Variants in CALCR observed in about 807,000 individuals in gnomAD.
The protein encoded by CALCR is calcitonin receptor.
In CALCR, 47 loss-of-function variants were observed where a neutral mutation model predicts 59.5. That is an observed-to-expected ratio of 0.79 (90% confidence interval 0.63 to 1.01). The LOEUF is 1.01. Ranked by LOEUF, CALCR falls within the 50% of genes least tolerant of loss-of-function variation. CALCR has a pLI of 0.00. For missense variants in CALCR, 566 were observed against 597.1 expected (o/e 0.95, Z 0.54); for synonymous variants, 213 against 211.3 (o/e 1.01, Z -0.07).
At position 93,520,857 on chromosome 7, in the gene CALCR, G is replaced by A. The variant is rs1472290037; in HGVS notation, c.-26-33850C>T. On this transcript the variant is annotated intron_variant, in intron 2 of 13. Coordinates refer to ENST00000426151, the MANE Select transcript of CALCR (RefSeq NM_001742.4). ...TTTAAAGAAACAAAGACCAAATTTT[G>A]GTGAGATTTTTAGATTTATACTTTT... 2.0e-5 allele frequency among the ~76,000 whole-genome samples: 3 copies of A among 152,152 alleles called. No homozygotes were observed. In the East Asian group the frequency reaches 5.8e-4, roughly 29 times the overall value.
At chr7:93,521,053 T>C (rs945990701) in intron 2 of CALCR, among the ~76,000 whole-genome samples, 1 of 152,140 alleles carries the variant, frequency 6.6e-6, no homozygotes, top group Admixed American at 6.6e-5. Flanking sequence ...TCCTTCCCTA[T>C]GTTTCACAGC....
intron 7 of CALCR, among the ~76,000 whole-genome samples, chr7:93,466,975 T>C (rs1800453220): frequency 1.3e-5 from 2 of 151,820 alleles, no homozygotes; most frequent in African/African-American, 4.8e-5. Context: ...TCTATGCCTT[T>C]GACATTATTA....
intron 2 of CALCR, among the ~76,000 whole-genome samples, chr7:93,549,351 T>C (rs1789388415): frequency 6.6e-6 from 1 of 152,174 alleles, no homozygotes; most frequent in Non-Finnish European, 1.5e-5. Context: ...TATTCCCTTT[T>C]CTCAACTAGG....
At chr7:93,487,140 G>GA (rs1163379447) in intron 2 of CALCR, 133 bp from the exon 3 acceptor site, 3 of 567,474 alleles carry the variant, frequency 5.3e-6, no homozygotes, top group Admixed American at 3.5e-5. Flanking sequence ...ACACACGTAA[G>GA]AAAAAACAGT....
chr7:93,483,251 T>C (rs7787488), intron 3 of CALCR, among the ~76,000 whole-genome samples: 12,793 of 151,696 alleles, frequency 0.084, 1,070 homozygotes, highest in East Asian at 0.29. Flanking sequence ...TAGTACAATG[T>C]AAATATGATG....
At chr7:93,478,111 AAAC>A (rs1349884427) in intron 4 of CALCR, among the ~76,000 whole-genome samples, 1 of 151,836 alleles carries the variant, frequency 6.6e-6, no homozygotes, top group Non-Finnish European at 1.5e-5. Context: ...AGCTCTCAGA[AAAC>A]CCCAAAAATA....
chr7:93,493,297 A>G (rs1430076764), intron 2 of CALCR, among the ~76,000 whole-genome samples: 1 of 151,320 alleles, frequency 6.6e-6, no homozygotes, highest in East Asian at 1.9e-4. Context: ...TGGCAAATCT[A>G]AATGTATTAT....
chr7:93,438,071 C>A lies in CALCR; in HGVS notation c.919G>T (p.Ala307Ser). ...AAACTAATTCTCACCACAAGTGCCG[C>A]CATGACAGGTCCATGGATTATGTAA... ...LLYIIHGPVM[A>S]ALVVNFFFLL... Residue 307 changes from alanine (A) to serine (S), a missense_variant, in exon 11 of 14, where the codon GCG becomes TCG. Ala to Ser is a moderately conservative substitution (Grantham distance 99). Transcript: ENST00000426151. The A allele has an allele frequency of 6.2e-7, 1 of 1,613,734 alleles. No homozygotes were observed. The highest frequency in any genetic ancestry group is 1.1e-5 in the South Asian group (1 of 91,058).
At chr7:93,450,867 T>C (rs1392789986) in intron 8 of CALCR, among the ~76,000 whole-genome samples, 1 of 151,982 alleles carries the variant, frequency 6.6e-6, no homozygotes, top group Non-Finnish European at 1.5e-5. Flanking sequence ...ATGAAAATTA[T>C]GGTAGTAGGA....
chr7:93,430,081 G>A (rs1053306997), intron 13 of CALCR, among the ~76,000 whole-genome samples: 1 of 135,650 alleles, frequency 7.4e-6, no homozygotes, highest in Admixed American at 7.8e-5. Context: ...ACAAGGGCCT[G>A]CCACCAAGCC....
At chr7:93,537,567 G>A (rs939046431) in intron 2 of CALCR, among the ~76,000 whole-genome samples, 34 of 151,618 alleles carry the variant, frequency 2.2e-4, no homozygotes, top group Admixed American at 1.6e-3. Flanking sequence ...TTAGTAATTA[G>A]CTTCTTATTT....
At chr7:93,447,928 T>C (rs563466828) in intron 8 of CALCR, among the ~76,000 whole-genome samples, 5 of 152,054 alleles carry the variant, frequency 3.3e-5, no homozygotes, top group African/African-American at 9.6e-5. Flanking sequence ...AGAATGCAGA[T>C]TTGGAATGTG....
intron 2 of CALCR, among the ~76,000 whole-genome samples, chr7:93,514,125 A>G (rs11972993): frequency 0.4 from 61,059 of 151,862 alleles, 13,211 homozygotes; most frequent in African/African-American, 0.56. Context: ...GACAAGGTGA[A>G]CTAAGATGGT....
chr7:93,510,953 C>T (rs560464100), intron 2 of CALCR, among the ~76,000 whole-genome samples: 8 of 151,792 alleles, frequency 5.3e-5, no homozygotes, highest in South Asian at 2.1e-4. Context: ...AGAGCAAGCC[C>T]GGAAGCAAAG....
intron 2 of CALCR, among the ~76,000 whole-genome samples, chr7:93,521,755 T>C (rs924114243): frequency 1.3e-5 from 2 of 152,172 alleles, no homozygotes; most frequent in African/African-American, 2.4e-5. Flanking sequence ...GTATTACATA[T>C]CTATTAATAC....
intron 8 of CALCR, among the ~76,000 whole-genome samples, chr7:93,460,322 G>A (rs1436238438): frequency 2.0e-5 from 3 of 151,788 alleles, no homozygotes; most frequent in Non-Finnish European, 2.9e-5. Context: ...TTGGGAGGCC[G>A]AGGCAGGCAG....
chr7:93,511,257 GA>G (rs1304514617), intron 2 of CALCR, among the ~76,000 whole-genome samples: 1 of 152,132 alleles, frequency 6.6e-6, no homozygotes, highest in African/African-American at 2.4e-5. Flanking sequence ...AATGGTGGAT[GA>G]GATTGGAGAA....
chr7:93,484,880 C>T (rs1410641811), intron 3 of CALCR, among the ~76,000 whole-genome samples: 1 of 151,420 alleles, frequency 6.6e-6, no homozygotes, highest in Non-Finnish European at 1.5e-5. Flanking sequence ...CTGTATACCT[C>T]GCAGGAGGGA....
At chr7:93,546,498 G>C (rs1321044683) in intron 2 of CALCR, among the ~76,000 whole-genome samples, 1 of 152,000 alleles carries the variant, frequency 6.6e-6, no homozygotes, top group Non-Finnish European at 1.5e-5. Flanking sequence ...TGGCCGCAGA[G>C]CCTGAAATGG....
Sources: gnomAD v4.1 joint callset for allele counts (sites outside exome capture counted in the v4.1 genomes callset) on GRCh38, gnomAD v4.1.1 for gene constraint, MANE v1.5 for transcripts, NCBI Gene and HGNC (gene_info 2026-07-23, HGNC 2026-07-21) for gene names.